STK33: variants seen among roughly 807,000 people sequenced by gnomAD.
The protein encoded by STK33 is serine/threonine kinase 33.
A neutral mutation model predicts 58.0 loss-of-function variants in STK33; 52 were observed. That is an observed-to-expected ratio of 0.90 (90% CI 0.72 to 1.13). STK33 has a LOEUF of 1.13. Ranked by LOEUF, STK33 falls within the 50% of genes most tolerant of loss-of-function variation. The pLI is 0.00. For synonymous variants in STK33, 215 were observed against 200.1 expected (o/e 1.07, Z -0.63); for missense variants, 630 against 604.2 (o/e 1.04, Z -0.45).
chr11:8,534,181 A>G (rs1186885335), intron 1 of STK33, among the ~76,000 whole-genome samples: 3 of 152,114 alleles, frequency 2.0e-5, no homozygotes, highest in African/African-American at 4.8e-5. Context: ...AGGCTGAGGC[A>G]GGAGAATCGC....
In STK33 at chr11:8,567,067, G is replaced by A. The variant is rs533721300; in HGVS notation, c.-466+27016C>T. Among the ~76,000 whole-genome samples the A allele has an allele frequency of 5.1e-4, 78 of 152,224 alleles. 1 individual carries two copies. In the East Asian group the frequency reaches 0.012, roughly 23 times the overall value. On this transcript the variant is annotated intron_variant, in intron 1 of 15. Transcript: ENST00000687296. ...AGGTGGGAGGACTGCTTGAGCCCAGGAGGTAGAGGTTGCAGTGATCCAAGA... is the reference window on the plus strand; with the variant it reads ...AGGTGGGAGGACTGCTTGAGCCCAGAAGGTAGAGGTTGCAGTGATCCAAGA...
intron 15 of STK33, among the ~76,000 whole-genome samples, chr11:8,410,631 C>T (rs987972923): frequency 6.6e-6 from 1 of 152,000 alleles, no homozygotes; most frequent in African/African-American, 2.4e-5. Flanking sequence ...TGCCACTGTG[C>T]CCAGCTACTT....
the STK33 span, among the ~76,000 whole-genome samples, chr11:8,386,387 C>T: frequency 2.0e-5 from 3 of 152,198 alleles, no homozygotes; most frequent in Non-Finnish European, 4.4e-5. Flanking sequence ...GGGACTGAAG[C>T]TACAACCAGG....
At chr11:8,439,607 G>T (rs901430405) in intron 12 of STK33, among the ~76,000 whole-genome samples, 1 of 151,506 alleles carries the variant, frequency 6.6e-6, no homozygotes, top group Admixed American at 6.6e-5. Flanking sequence ...CAGAGAAAAA[G>T]AATACACACA....
At chr11:8,445,243 T>G (rs1461632361) in intron 11 of STK33, among the ~76,000 whole-genome samples, 1 of 152,226 alleles carries the variant, frequency 6.6e-6, no homozygotes, top group Non-Finnish European at 1.5e-5. Flanking sequence ...TCCTGAGACT[T>G]TGCTGAAGTT....
chr11:8,444,635 AAAT>A (rs748556917), intron 11 of STK33, among the ~76,000 whole-genome samples: 8 of 152,172 alleles, frequency 5.3e-5, no homozygotes, highest in Non-Finnish European at 1.0e-4. Context: ...GAGAATATGA[AAAT>A]AATAAGTAAA....
chr11:8,586,898 T>G (rs2031754739), intron 1 of STK33, among the ~76,000 whole-genome samples: 1 of 148,858 alleles, frequency 6.7e-6, no homozygotes, highest in Non-Finnish European at 1.5e-5. Flanking sequence ...CGACATGGAG[T>G]GTATCTTTTT....
At chr11:8,541,373 T>C (rs1263300238) in intron 1 of STK33, among the ~76,000 whole-genome samples, 2 of 152,172 alleles carry the variant, frequency 1.3e-5, no homozygotes, top group African/African-American at 4.8e-5. Context: ...TGAAGCAAGA[T>C]AACTCAGTAG....
rs1947965513 is a variant in STK33, at chr11:8,464,731, A to G, written c.431T>C (p.Ile144Thr). The change falls in exon 7 of 16, where the codon ATT (isoleucine) becomes ACT (threonine). Residue 144 changes from isoleucine (I) to threonine (T), a missense_variant. Physicochemically the swap from Ile to Thr is moderately conservative, Grantham distance 89. Coordinates refer to ENST00000687296, the MANE Select transcript of STK33 (RefSeq NM_001352389.2). Reference protein sequence around the residue: ...TDKETETKWAIKKVNKEKAGS... With the variant: ...TDKETETKWATKKVNKEKAGS... ...TACCTTTTCTTTGTTCACTTTTTTA[A>G]TTGCCCACTTCGTTTCTGTTTCCTT... The G allele has an allele frequency of 1.2e-6, 2 of 1,612,320 alleles. No homozygotes were observed. The highest frequency in any genetic ancestry group is 1.7e-6 in the Non-Finnish European group (2 of 1,179,364).
intron 12 of STK33, among the ~76,000 whole-genome samples, chr11:8,439,724 C>A (rs1240520606): frequency 1.3e-5 from 2 of 151,504 alleles, no homozygotes; most frequent in African/African-American, 2.4e-5. Context: ...ACATATCCAG[C>A]CCCAAACTGG....
chr11:8,484,661 CTATCAA>C (rs1451445129), intron 1 of STK33, among the ~76,000 whole-genome samples: 1 of 152,126 alleles, frequency 6.6e-6, no homozygotes, highest in East Asian at 1.9e-4. Flanking sequence ...AGACCAAAGT[CTATCAA>C]ATAAAAATTA....
At chr11:8,510,398 T>A (rs1398171331) in intron 1 of STK33, among the ~76,000 whole-genome samples, 6 of 152,242 alleles carry the variant, frequency 3.9e-5, no homozygotes, top group Non-Finnish European at 8.8e-5. Context: ...ATTCTGGATA[T>A]TAGTCCTTTG....
At chr11:8,547,025 C>A (rs1366856906) in intron 1 of STK33, among the ~76,000 whole-genome samples, 2 of 152,136 alleles carry the variant, frequency 1.3e-5, no homozygotes, top group Non-Finnish European at 2.9e-5. Flanking sequence ...AATTTAAATT[C>A]CTACCAACAG....
intron 1 of STK33, among the ~76,000 whole-genome samples, chr11:8,488,932 T>C (rs1950375758): frequency 1.3e-5 from 2 of 152,066 alleles, no homozygotes; most frequent in Admixed American, 1.3e-4. Context: ...CCGTTTTAAA[T>C]ATGTTCAAAG....
chr11:8,445,865 G>A (rs1210397705), intron 11 of STK33, among the ~76,000 whole-genome samples: 1 of 152,160 alleles, frequency 6.6e-6, no homozygotes, highest in African/African-American at 2.4e-5. Flanking sequence ...TCTCTGCCAG[G>A]TTTTGGTATC....
At chr11:8,355,860 G>GTCACCA in the STK33 span, among the ~76,000 whole-genome samples, 4 of 152,326 alleles carry the variant, frequency 2.6e-5, no homozygotes, top group South Asian at 6.2e-4. Context: ...TTTTGTTGCT[G>GTCACCA]TCACCATCAC....
At chr11:8,418,339 TATTTGGTTTTCTGTTCCCA>T (rs1228457128) in intron 14 of STK33, among the ~76,000 whole-genome samples, 1 of 152,166 alleles carries the variant, frequency 6.6e-6, no homozygotes, top group African/African-American at 2.4e-5. Context: ...GAACATGTGC[TATTTGGTTTTCTGTTCCCA>T]CGTTAGTTTG....
chr11:8,344,056 A>G, the STK33 span, among the ~76,000 whole-genome samples: 8 of 152,330 alleles, frequency 5.3e-5, no homozygotes, highest in African/African-American at 1.7e-4. Flanking sequence ...AGGAAATAAT[A>G]TAAAAATAAT....
chr11:8,458,433 A>C (rs937197862), intron 8 of STK33, among the ~76,000 whole-genome samples: 2 of 152,096 alleles, frequency 1.3e-5, no homozygotes, highest in Admixed American at 6.6e-5. Flanking sequence ...AAAAAAAAAA[A>C]AAACAGGTAG....
Sources: gnomAD v4.1 joint callset for allele counts (sites outside exome capture counted in the v4.1 genomes callset) on GRCh38, gnomAD v4.1.1 for gene constraint, MANE v1.5 for transcripts, NCBI Gene and HGNC (gene_info 2026-07-23, HGNC 2026-07-21) for gene names.